The following C5orf22 variants were observed in gnomAD, a reference collection of about 807,000 sequenced individuals.
C5orf22 encodes the protein chromosome 5 open reading frame 22.
In C5orf22, 36 loss-of-function variants were observed where a neutral mutation model predicts 48.7. The ratio of observed to expected loss-of-function variants is 0.74; its 90% CI spans 0.57 to 0.98. The LOEUF (loss-of-function observed/expected upper bound fraction) is 0.98. Among genes scored for constraint, C5orf22 ranks in the 50% least tolerant of loss-of-function variants. The probability of loss-of-function intolerance (pLI) is 0.00; values close to 1 mark genes in which losing one functional copy is unlikely to be tolerated. For synonymous variants in C5orf22, 141 were observed against 180.8 expected (o/e 0.78, Z 1.76); for missense variants, 486 against 521.9 (o/e 0.93, Z 0.67).
chr5:31,551,249 AAAC>A (rs1303300364), intron 7 of C5orf22, 41 bp from the exon 8 acceptor site: 1 of 1,584,548 alleles, frequency 6.3e-7, no homozygotes, highest in Non-Finnish European at 8.5e-7. Context: ...AAGCTTATAA[AAAC>A]AACTGTCATA....
At chr5:31,545,938 T>G (rs1169286824) in intron 7 of C5orf22, among the ~76,000 whole-genome samples, 1 of 152,166 alleles carries the variant, frequency 6.6e-6, no homozygotes, top group African/African-American at 2.4e-5. Flanking sequence ...ATTTTATGTA[T>G]GAAGCAAAAG....
Position 31,541,170 on chromosome 5 carries a change from G to A in C5orf22, c.871-111G>A, listed in dbSNP as rs532045756. On this transcript the variant is annotated intron_variant, in intron 5 of 8. Coordinates refer to ENST00000325366, the MANE Select transcript of C5orf22 (RefSeq NM_018356.3). ...TGTGTATTGGCGAAGCCCATGGTTA[G>A]TACTTGAAAATTATGTTTTAACTAA... 2.4e-5 allele frequency: 27 copies of A among 1,129,248 alleles called. No homozygotes were observed. The South Asian group carries it at 3.6e-4, about 15-fold the overall frequency. 70.0% of individuals were successfully genotyped at this position (1,129,248 alleles called of 1,614,324 possible).
chr5:31,540,689 G>A (rs1194551753), intron 4 of C5orf22, among the ~76,000 whole-genome samples: 1 of 152,068 alleles, frequency 6.6e-6, no homozygotes, highest in African/African-American at 2.4e-5. Context: ...TTTTTACATA[G>A]TAGTACCATG....
In C5orf22 at chr5:31,553,925, T is replaced by G. The variant is rs1386967879; in HGVS notation, c.*1023T>G. 6.6e-6 allele frequency: 1 copy of G among 152,174 alleles called. No homozygotes were observed. Among genetic ancestry groups the G allele is most frequent in the African/African-American group, 2.4e-5 (1 of 41,430 alleles). The allele number at this position is 152,174 out of a possible 1,614,324, so 9.4% of individuals were successfully genotyped here. On this transcript the variant is annotated 3_prime_UTR_variant, in exon 9 of 9. Transcript: ENST00000325366. ...TTATTGCCAAGTCTAGATTGATACT[T>G]TTTTCAGATAAACCAGCTTTTTATG...
At chr5:31,552,494 C>T (rs1452405246) in intron 8 of C5orf22, among the ~76,000 whole-genome samples, 1 of 152,176 alleles carries the variant, frequency 6.6e-6, no homozygotes, top group Non-Finnish European at 1.5e-5. Context: ...CATTAAGGCA[C>T]ACACCGCATG....
intron 7 of C5orf22, among the ~76,000 whole-genome samples, chr5:31,549,911 A>G (rs1436232354): frequency 1.3e-5 from 2 of 152,168 alleles, no homozygotes; most frequent in Non-Finnish European, 2.9e-5. Context: ...TTCATACAAT[A>G]TTATCAAATA....
At chr5:31,540,344 T>G (rs1742377299) in intron 4 of C5orf22, among the ~76,000 whole-genome samples, 1 of 152,182 alleles carries the variant, frequency 6.6e-6, no homozygotes, top group African/African-American at 2.4e-5. Flanking sequence ...AATGGATCCA[T>G]GTAGCTGTGC....
intron 6 of C5orf22, among the ~76,000 whole-genome samples, chr5:31,542,120 A>C (rs1176144762): frequency 6.6e-6 from 1 of 152,108 alleles, no homozygotes; most frequent in East Asian, 1.9e-4. Flanking sequence ...TACTAACCTA[A>C]CAACAGAAAA....
At chr5:31,540,472 G>A (rs572839326) in intron 4 of C5orf22, among the ~76,000 whole-genome samples, 2 of 152,240 alleles carry the variant, frequency 1.3e-5, no homozygotes, top group East Asian at 3.9e-4. Context: ...TATTGCCTTT[G>A]TACTTCAGAG....
At chr5:31,546,546 A>G (rs1018268941) in intron 7 of C5orf22, among the ~76,000 whole-genome samples, 8 of 152,244 alleles carry the variant, frequency 5.3e-5, no homozygotes, top group African/African-American at 1.7e-4. Flanking sequence ...CACTGCTGAT[A>G]AAGACATACC....
intron 6 of C5orf22, among the ~76,000 whole-genome samples, chr5:31,542,042 G>C (rs1742498928): frequency 6.6e-6 from 1 of 152,034 alleles, no homozygotes; most frequent in Non-Finnish European, 1.5e-5. Flanking sequence ...TACTATACAA[G>C]GTCTTAAAGA....
chr5:31,541,767 C>T (rs1742483171), intron 6 of C5orf22, among the ~76,000 whole-genome samples: 1 of 151,414 alleles, frequency 6.6e-6, no homozygotes, highest in Non-Finnish European at 1.5e-5. Context: ...AGACTTGTCT[C>T]AAAAAAGAGA....
rs1169401633 is a variant in C5orf22 at position 31,541,543 on chromosome 5, G to A, written c.992+141G>A. ...CTGAGGCAGGAGAGGACCACTTGAG[G>A]CCAGGAGTTCCAGACCAGCCTGGGT... On this transcript the variant is annotated intron_variant, in intron 6 of 8. Transcript: ENST00000325366. The A allele has an allele frequency of 8.6e-6, 7 of 814,280 alleles. No individual in the cohort carries two copies. The Admixed American group carries it at 1.5e-4, about 18-fold the overall frequency. 50.4% of individuals were successfully genotyped at this position (814,280 alleles called of 1,614,324 possible). A position where few individuals can be genotyped will look rare whatever the true frequency, so the allele number is the denominator to read the frequency against.
chr5:31,532,737 G>A (rs1741651892), intron 1 of C5orf22, among the ~76,000 whole-genome samples: 1 of 151,930 alleles, frequency 6.6e-6, no homozygotes, highest in Non-Finnish European at 1.5e-5. Flanking sequence ...AGGTGGCATC[G>A]GGATTCGAAA....
chr5:31,545,810 G>T, intron 7 of C5orf22, 98 bp downstream of exon 7: 1 of 746,900 alleles, frequency 1.3e-6, no homozygotes, highest in Non-Finnish European at 2.3e-6. Flanking sequence ...GTTTTTGTTT[G>T]TGTTCCTGTG....
chr5:31,552,896 A>T lies in C5orf22; in HGVS notation c.1323A>T (p.Pro441=). 1 of 1,613,418 alleles carries T rather than the reference A, an allele frequency of 6.2e-7. No homozygotes were observed. Among genetic ancestry groups the T allele is most frequent in the South Asian group, 1.1e-5 (1 of 91,018 alleles). The change falls in exon 9 of 9, where the codon CCA becomes CCT. Residue 441 remains proline (P), a synonymous_variant. Transcript: ENST00000325366. The part of the protein sequence containing the change: ...DLQVYAAESP[P]S ...AAGTGTATGCAGCAGAGTCTCCTCC[A>T]TCTTGAAACAAACAAAACATTAGGC...
chr5:31,542,542 G>T (rs558063589), intron 6 of C5orf22, among the ~76,000 whole-genome samples: 21 of 150,702 alleles, frequency 1.4e-4, no homozygotes, highest in Middle Eastern at 6.9e-3. Context: ...TCAATCTCTT[G>T]ACGTGAAGGA....
rs1580464287 is a variant in C5orf22, at chr5:31,551,495, G to A, written c.1199+63G>A. Reference sequence around the variant, plus strand: ...GTGCACATCCTAATCTCTGGAACCTGTGAATATGTTACATTATATGGCAAA... The same window carrying A: ...GTGCACATCCTAATCTCTGGAACCTATGAATATGTTACATTATATGGCAAA... On this transcript the variant is annotated intron_variant, in intron 8 of 8. Coordinates refer to ENST00000325366, the MANE Select transcript of C5orf22 (RefSeq NM_018356.3). The A allele has an allele frequency of 1.1e-5, 14 of 1,282,744 alleles. No homozygotes were observed. The East Asian group carries it at 3.3e-4, about 30-fold the overall frequency. 79.5% of individuals were successfully genotyped at this position (1,282,744 alleles called of 1,614,324 possible).
At chr5:31,545,547 A>T in intron 6 of C5orf22, 99 bp from the exon 7 acceptor site, 3 of 800,412 alleles carry the variant, frequency 3.7e-6, no homozygotes, top group Admixed American at 2.1e-5. Context: ...CATATGAAGC[A>T]TGTTATTATG....
Sources: gnomAD v4.1 joint callset for allele counts (sites outside exome capture counted in the v4.1 genomes callset) on GRCh38, gnomAD v4.1.1 for gene constraint, MANE v1.5 for transcripts, NCBI Gene and HGNC (gene_info 2026-07-23, HGNC 2026-07-21) for gene names.